Variants in SYT1 observed in about 807,000 individuals in gnomAD.
The protein encoded by SYT1 is synaptotagmin-1.
SYT1 carries 8 observed loss-of-function variants against 44.8 expected under a neutral mutation model. The ratio of observed to expected loss-of-function variants is 0.18; its 90% CI spans 0.10 to 0.32. SYT1 has a LOEUF of 0.32. Ranked by LOEUF, SYT1 falls within the 10% of genes least tolerant of loss-of-function variation. The probability of loss-of-function intolerance (pLI) is 1.00; values close to 1 mark genes in which losing one functional copy is unlikely to be tolerated. For synonymous variants in SYT1, 154 were observed against 188.8 expected (o/e 0.82, Z 1.51); for missense variants, 286 against 509.3 (o/e 0.56, Z 4.22).
intron 1 of SYT1, among the ~76,000 whole-genome samples, chr12:78,900,538 A>C (rs1875602628): frequency 6.6e-6 from 1 of 152,056 alleles, no homozygotes. Flanking sequence ...TTCTCTAGGC[A>C]AAAGAAAGAG....
Position 79,449,305 on chromosome 12 carries a change from A to G in SYT1, c.*181A>G, listed in dbSNP as rs1213543086. On this transcript the variant is annotated 3_prime_UTR_variant, in exon 11 of 11. Coordinates refer to ENST00000261205, the MANE Select transcript of SYT1 (RefSeq NM_005639.3). ...AATGTAGAGAGCCCCTAAGTCCTTCATCATACCACTGCCCTCCAAATCTAC... is the reference window on the plus strand; with the variant it reads ...AATGTAGAGAGCCCCTAAGTCCTTCGTCATACCACTGCCCTCCAAATCTAC... 2 of 626,210 alleles carry G rather than the reference A, an allele frequency of 3.2e-6. No individual in the cohort carries two copies. Among genetic ancestry groups the G allele is most frequent in the Non-Finnish European group, 5.5e-6 (2 of 364,190 alleles). The allele number at this position is 626,210 out of a possible 1,614,324, so 38.8% of individuals were successfully genotyped here. A position where few individuals can be genotyped will look rare whatever the true frequency, so the allele number is the denominator to read the frequency against.
At chr12:79,382,189 G>T (rs1490614242) in intron 9 of SYT1, among the ~76,000 whole-genome samples, 2 of 152,188 alleles carry the variant, frequency 1.3e-5, no homozygotes, top group African/African-American at 4.8e-5. Flanking sequence ...TGACTAAATG[G>T]TAAGAGACTT....
chr12:79,105,398 G>A (rs1878660314), intron 3 of SYT1, among the ~76,000 whole-genome samples: 2 of 152,174 alleles, frequency 1.3e-5, no homozygotes, highest in Admixed American at 6.5e-5. Flanking sequence ...ATAAGGAAGA[G>A]TAATGGAAAA....
At chr12:78,980,218 C>T (rs573635971) in intron 2 of SYT1, among the ~76,000 whole-genome samples, 7 of 152,152 alleles carry the variant, frequency 4.6e-5, no homozygotes, top group East Asian at 3.9e-4. Context: ...CATGAAAAGA[C>T]GGAATGTCGT....
chr12:79,183,966 G>A (rs935020993), intron 3 of SYT1, among the ~76,000 whole-genome samples: 3 of 151,976 alleles, frequency 2.0e-5, no homozygotes, highest in Non-Finnish European at 4.4e-5. Flanking sequence ...CCACATCATC[G>A]TCTCCGCCAG....
intron 1 of SYT1, among the ~76,000 whole-genome samples, chr12:78,883,174 T>G (rs1040012469): frequency 1.1e-4 from 16 of 151,812 alleles, no homozygotes; most frequent in African/African-American, 3.9e-4. Flanking sequence ...GTTATAACAG[T>G]GAACAATTGA....
chr12:79,002,833 A>G (rs925299851), intron 2 of SYT1, among the ~76,000 whole-genome samples: 5 of 152,032 alleles, frequency 3.3e-5, no homozygotes, highest in Non-Finnish European at 5.9e-5. Context: ...AAATGATTTT[A>G]TGAGATTTAA....
intron 8 of SYT1, among the ~76,000 whole-genome samples, chr12:79,343,230 A>G (rs945590853): frequency 6.6e-6 from 1 of 152,192 alleles, no homozygotes; most frequent in African/African-American, 2.4e-5. Context: ...GGAGAGAGAA[A>G]TCAATGGAAC....
chr12:79,253,453 T>C (rs1328434058), intron 4 of SYT1, among the ~76,000 whole-genome samples: 1 of 151,286 alleles, frequency 6.6e-6, no homozygotes, highest in Non-Finnish European at 1.5e-5. Flanking sequence ...TGGTGTATGT[T>C]CTAACTGTTC....
At position 79,216,244 on chromosome 12, in the gene SYT1, T is replaced by TA. The variant is rs554429171; in HGVS notation, c.-17-1252dup. 2.3e-3 allele frequency among the ~76,000 whole-genome samples: 343 copies of TA among 152,298 alleles called. 3 individuals are homozygous for TA. The highest frequency in any genetic ancestry group is 7.5e-3 in the African/African-American group (313 of 41,550). Reference sequence around the variant, plus strand: ...CCACGCCCAGACTAAATTTCATTTTTAAAAAAATCTTGTTTGCTGGTTATC... The same window carrying TA: ...CCACGCCCAGACTAAATTTCATTTTTAAAAAAAATCTTGTTTGCTGGTTATC... On this transcript the variant is annotated intron_variant, in intron 3 of 10. Transcript: ENST00000261205.
intron 9 of SYT1, among the ~76,000 whole-genome samples, chr12:79,435,565 G>T (rs1027094073): frequency 3.3e-5 from 5 of 152,096 alleles, no homozygotes; most frequent in African/African-American, 1.2e-4. Flanking sequence ...GTCAGTTAGG[G>T]ACCCAGGATC....
chr12:79,163,675 T>C (rs1384443603), intron 3 of SYT1, among the ~76,000 whole-genome samples: 1 of 152,102 alleles, frequency 6.6e-6, no homozygotes, highest in Non-Finnish European at 1.5e-5. Flanking sequence ...GCAGGTCAGC[T>C]GACCCTTCCT....
intron 1 of SYT1, among the ~76,000 whole-genome samples, chr12:78,928,797 T>G (rs1877449967): frequency 6.6e-6 from 1 of 152,162 alleles, no homozygotes; most frequent in Non-Finnish European, 1.5e-5. Context: ...AACTGAAAAC[T>G]TATGAGCTGT....
chr12:79,132,266 A>G (rs1305377875), intron 3 of SYT1, among the ~76,000 whole-genome samples: 1 of 151,970 alleles, frequency 6.6e-6, no homozygotes, highest in Non-Finnish European at 1.5e-5. Flanking sequence ...CTGACCAACA[A>G]GGTGAAACCC....
chr12:79,161,489 AT>A (rs925335716), intron 3 of SYT1, among the ~76,000 whole-genome samples: 12 of 152,108 alleles, frequency 7.9e-5, no homozygotes, highest in African/African-American at 2.9e-4. Context: ...CTAACAATGC[AT>A]TTTTCAGACT....
intron 1 of SYT1, among the ~76,000 whole-genome samples, chr12:78,880,347 G>T (rs1874385232): frequency 1.3e-5 from 2 of 151,512 alleles, no homozygotes; most frequent in South Asian, 4.2e-4. Context: ...TTTTTGTGTG[G>T]TCTTTCCTGA....
intron 3 of SYT1, among the ~76,000 whole-genome samples, chr12:79,208,835 A>G (rs1180222173): frequency 6.6e-6 from 1 of 152,208 alleles, no homozygotes; most frequent in Non-Finnish European, 1.5e-5. Flanking sequence ...AAACCTAAGA[A>G]GGCCCAGTTA....
chr12:78,890,192 T>G (rs1874973218), intron 1 of SYT1, among the ~76,000 whole-genome samples: 1 of 151,986 alleles, frequency 6.6e-6, no homozygotes, highest in Non-Finnish European at 1.5e-5. Context: ...AGCATTTCAC[T>G]TTTTCTATCC....
chr12:79,417,199 G>A (rs1486210799), intron 9 of SYT1, among the ~76,000 whole-genome samples: 1 of 152,030 alleles, frequency 6.6e-6, no homozygotes, highest in Non-Finnish European at 1.5e-5. Context: ...TTCTTAAATT[G>A]TACTTTTATT....
Sources: gnomAD v4.1 joint callset for allele counts (sites outside exome capture counted in the v4.1 genomes callset) on GRCh38, gnomAD v4.1.1 for gene constraint, MANE v1.5 for transcripts, NCBI Gene and HGNC (gene_info 2026-07-23, HGNC 2026-07-21) for gene names.